The following PARD3B variants were observed in gnomAD, a reference collection of about 807,000 sequenced individuals.
The protein encoded by PARD3B is par-3 family cell polarity regulator beta, also known as partitioning defective 3 homolog B.
Under a neutral mutation model 130.2 loss-of-function variants are expected in PARD3B, and 103 were observed. That is an observed-to-expected ratio of 0.79 (90% CI 0.67 to 0.93). PARD3B has a LOEUF of 0.93. PARD3B is among the 40% of genes least tolerant of loss of function. The pLI is 0.00. For missense variants in PARD3B, 1,609 were observed against 1,499.2 expected (o/e 1.07, Z -1.21); for synonymous variants, 583 against 553.2 (o/e 1.05, Z -0.76).
rs182201332 is a variant in PARD3B at position 204,752,663 on chromosome 2, T to C, written c.222+66381T>C. Among the ~76,000 whole-genome samples, 12 of 152,268 alleles carry C rather than the reference T, an allele frequency of 7.9e-5. No individual in the cohort carries two copies. In the East Asian group the frequency reaches 2.1e-3, roughly 27 times the overall value. On this transcript the variant is annotated intron_variant, in intron 2 of 22. Transcript: ENST00000406610. ...TTTATTTTCTTCAGTTGATCCCTAT[T>C]CTCTTTGATCCTTTAATTTCTGATT... is the stretch of plus-strand genomic sequence containing the variant.
At chr2:205,601,114 C>T (rs776171405) in intron 22 of PARD3B, among the ~76,000 whole-genome samples, 1 of 152,176 alleles carries the variant, frequency 6.6e-6, no homozygotes, top group Non-Finnish European at 1.5e-5. Flanking sequence ...TTTAGATTGC[C>T]AACAACAGTG....
At chr2:204,750,200 C>G (rs979821426) in intron 2 of PARD3B, among the ~76,000 whole-genome samples, 3 of 152,202 alleles carry the variant, frequency 2.0e-5, no homozygotes, top group Admixed American at 1.3e-4. Flanking sequence ...ATTTGGAAAT[C>G]TAAGCACTAT....
intron 2 of PARD3B, among the ~76,000 whole-genome samples, chr2:204,774,712 A>C (rs552401101): frequency 1.3e-5 from 2 of 152,280 alleles, no homozygotes; most frequent in African/African-American, 2.4e-5. Context: ...GAACATAGTA[A>C]GAATACCTTT....
rs1044830439 is a variant in PARD3B at position 204,582,641 on chromosome 2, C to T, written c.120+36522C>T. 2.0e-5 allele frequency among the ~76,000 whole-genome samples: 3 copies of T among 152,286 alleles called. 1 individual carries two copies. Among genetic ancestry groups the T allele is most frequent in the Middle Eastern group, 6.8e-3 (2 of 294 alleles). Reference sequence around the variant, plus strand: ...GGTTGGATTAGGGAGGAGCTCCCCTCCTTGCATTTCTCCCACTCTGTCCTT... The same window carrying T: ...GGTTGGATTAGGGAGGAGCTCCCCTTCTTGCATTTCTCCCACTCTGTCCTT... On this transcript the variant is annotated intron_variant, in intron 1 of 22. Transcript: ENST00000406610.
intron 1 of PARD3B, among the ~76,000 whole-genome samples, chr2:204,589,393 C>T (rs2032978085): frequency 6.6e-6 from 1 of 152,200 alleles, no homozygotes; most frequent in Non-Finnish European, 1.5e-5. Flanking sequence ...TAACAGGCCT[C>T]AAATGTCACT....
intron 18 of PARD3B, among the ~76,000 whole-genome samples, chr2:205,357,294 G>A (rs1409752243): frequency 1.3e-5 from 2 of 152,180 alleles, no homozygotes; most frequent in Admixed American, 1.3e-4. Flanking sequence ...GAAGCATTTT[G>A]AGGACATGAC....
At chr2:205,096,522 T>C (rs1320032425) in intron 4 of PARD3B, among the ~76,000 whole-genome samples, 1 of 152,320 alleles carries the variant, frequency 6.6e-6, no homozygotes, top group South Asian at 2.1e-4. Flanking sequence ...TAGCACATAA[T>C]CCACAACTGC....
intron 1 of PARD3B, among the ~76,000 whole-genome samples, chr2:204,604,112 A>G (rs2033618459): frequency 6.6e-6 from 1 of 152,172 alleles, no homozygotes; most frequent in Non-Finnish European, 1.5e-5. Context: ...TACATTTGTC[A>G]TTAGTGACCT....
At chr2:204,573,545 G>A (rs773720469) in intron 1 of PARD3B, among the ~76,000 whole-genome samples, 1 of 152,068 alleles carries the variant, frequency 6.6e-6, no homozygotes, top group Non-Finnish European at 1.5e-5. Context: ...TTGTGGATGT[G>A]TCCATACAAC....
rs188027766 is a variant in PARD3B, at chr2:204,926,459, T to C, written c.223-38693T>C. Among the ~76,000 whole-genome samples, 53 of 152,252 alleles carry C rather than the reference T, an allele frequency of 3.5e-4. 2 individuals carry two copies. Among genetic ancestry groups the C allele is most frequent in the Admixed American group, 3.4e-3 (52 of 15,290 alleles). On this transcript the variant is annotated intron_variant, in intron 2 of 22. Coordinates refer to ENST00000406610, the MANE Select transcript of PARD3B (RefSeq NM_001302769.2). ...AGGAAAATAGCACACCCCTCATCAC[T>C]AAGAATAGAACCTGAGTGTTACTAA...
At chr2:205,109,233 A>G (rs1311662629) in intron 5 of PARD3B, among the ~76,000 whole-genome samples, 1 of 152,218 alleles carries the variant, frequency 6.6e-6, no homozygotes, top group Non-Finnish European at 1.5e-5. Context: ...GTAGAGTTCA[A>G]GGTTATCCAC....
chr2:205,614,562 C>A (rs1027740949), intron 22 of PARD3B, among the ~76,000 whole-genome samples: 15 of 151,920 alleles, frequency 9.9e-5, no homozygotes, highest in Non-Finnish European at 1.8e-4. Context: ...AAAACTTAGT[C>A]AGGTGTAGTG....
intron 2 of PARD3B, among the ~76,000 whole-genome samples, chr2:204,954,318 A>G (rs1690053240): frequency 6.6e-6 from 1 of 152,192 alleles, no homozygotes; most frequent in Non-Finnish European, 1.5e-5. Context: ...TCTAAATGGA[A>G]TATTTAAGAG....
At chr2:204,645,524 C>A (rs2035242045) in intron 1 of PARD3B, among the ~76,000 whole-genome samples, 1 of 152,122 alleles carries the variant, frequency 6.6e-6, no homozygotes. Context: ...TTAGTTAAGG[C>A]ATTTTCCTGC....
intron 2 of PARD3B, among the ~76,000 whole-genome samples, chr2:204,827,929 C>G (rs949179844): frequency 1.3e-5 from 2 of 152,200 alleles, no homozygotes; most frequent in African/African-American, 4.8e-5. Context: ...ATTCTCTTCT[C>G]TGCCAGAAGC....
chr2:205,514,761 A>C (rs548668022), intron 21 of PARD3B, among the ~76,000 whole-genome samples: 2 of 150,808 alleles, frequency 1.3e-5, no homozygotes, highest in African/African-American at 2.4e-5. Context: ...GGCTTTCTTT[A>C]TTCTCCTGAA....
chr2:204,857,088 T>G (rs1050289516), intron 2 of PARD3B, among the ~76,000 whole-genome samples: 12 of 152,120 alleles, frequency 7.9e-5, no homozygotes, highest in African/African-American at 2.7e-4. Context: ...ATCTCTCACT[T>G]ATTATCAGTT....
intron 19 of PARD3B, among the ~76,000 whole-genome samples, chr2:205,438,456 C>T (rs2047595154): frequency 6.6e-6 from 1 of 152,180 alleles, no homozygotes. Flanking sequence ...GAAGGCATCT[C>T]ACTTATGAGG....
At chr2:205,579,633 C>T (rs139051715) in intron 22 of PARD3B, among the ~76,000 whole-genome samples, 2 of 152,214 alleles carry the variant, frequency 1.3e-5, no homozygotes, top group Non-Finnish European at 2.9e-5. Context: ...TTACTGCACT[C>T]GTCCCATTTT....
Sources: gnomAD v4.1 joint callset for allele counts (sites outside exome capture counted in the v4.1 genomes callset) on GRCh38, gnomAD v4.1.1 for gene constraint, MANE v1.5 for transcripts, NCBI Gene and HGNC (gene_info 2026-07-23, HGNC 2026-07-21) for gene names.